DLGAP2: variants seen among roughly 807,000 people sequenced by gnomAD.
DLGAP2 encodes DLG associated protein 2, also known as disks large-associated protein 2.
DLGAP2 carries 26 observed loss-of-function variants against 100.3 expected under a neutral mutation model. The observed-to-expected ratio is 0.26, with a 90% CI of 0.19 to 0.36. The LOEUF (loss-of-function observed/expected upper bound fraction) is 0.36, where lower values mean the gene tolerates loss of function less well. DLGAP2 is among the 10% of genes least tolerant of loss of function. The pLI, the probability that DLGAP2 is intolerant of heterozygous loss-of-function variation, is 1.00. For synonymous variants in DLGAP2, 886 were observed against 630.1 expected, an observed-to-expected ratio of 1.41 and a Z score of -6.08; for missense variants, 1,858 against 1,453.2, an observed-to-expected ratio of 1.28 and a Z score of -4.53.
intron 4 of DLGAP2, among the ~76,000 whole-genome samples, chr8:1,507,568 T>C (rs11136403): frequency 0.77 from 116,878 of 152,074 alleles, 45,244 homozygotes; most frequent in Middle Eastern, 0.81. Context: ...CCCAGGGCAG[T>C]GGCTGGCTGA....
At chr8:1,048,275 C>T (rs566767583) in intron 2 of DLGAP2, among the ~76,000 whole-genome samples, 28 of 152,258 alleles carry the variant, frequency 1.8e-4, no homozygotes, top group Non-Finnish European at 7.4e-5. Context: ...CTGTCGTCTC[C>T]ATTTTACAAA....
intron 3 of DLGAP2, among the ~76,000 whole-genome samples, chr8:1,371,198 G>A (rs1043942649): frequency 2.6e-5 from 4 of 152,246 alleles, no homozygotes; most frequent in African/African-American, 9.6e-5. Flanking sequence ...TGCATTAACA[G>A]TCTCAGCACC....
intron 3 of DLGAP2, among the ~76,000 whole-genome samples, chr8:1,377,535 C>G (rs1013245881): frequency 6.6e-6 from 1 of 152,050 alleles, no homozygotes; most frequent in African/African-American, 2.4e-5. Context: ...TAGAGCGAGA[C>G]TCCGACTCAA....
chr8:1,063,492 T>C (rs1803150979), intron 2 of DLGAP2, among the ~76,000 whole-genome samples: 1 of 150,648 alleles, frequency 6.6e-6, no homozygotes, highest in Non-Finnish European at 1.5e-5. Flanking sequence ...AGGGTTTTTC[T>C]TTTCGTGCTT....
chr8:1,342,637 A>T (rs1427715629), intron 3 of DLGAP2, among the ~76,000 whole-genome samples: 2 of 152,242 alleles, frequency 1.3e-5, no homozygotes, highest in African/African-American at 4.8e-5. Flanking sequence ...CAAGTGCGTT[A>T]TCACATGCGA....
At chr8:942,999 G>A (rs924849527) in intron 2 of DLGAP2, among the ~76,000 whole-genome samples, 1 of 152,182 alleles carries the variant, frequency 6.6e-6, no homozygotes, top group Non-Finnish European at 1.5e-5. Flanking sequence ...CTGGGAGTTC[G>A]GGGTTGGATT....
chr8:816,104 T>C (rs1300498692), intron 1 of DLGAP2, among the ~76,000 whole-genome samples: 1 of 152,214 alleles, frequency 6.6e-6, no homozygotes, highest in African/African-American at 2.4e-5. Flanking sequence ...TGAGTCCTTA[T>C]ATGTTAGGTT....
intron 2 of DLGAP2, among the ~76,000 whole-genome samples, chr8:1,197,814 C>T (rs947011921): frequency 1.3e-5 from 2 of 152,240 alleles, no homozygotes; most frequent in South Asian, 4.1e-4. Context: ...ATCTCCTGGG[C>T]CTCCTGCAGC....
At chr8:1,070,377 A>G (rs554128388) in intron 2 of DLGAP2, among the ~76,000 whole-genome samples, 1 of 152,288 alleles carries the variant, frequency 6.6e-6, no homozygotes, top group South Asian at 2.1e-4. Context: ...GCCATGGCCC[A>G]ATAAATCTCG....
At chr8:1,314,863 A>G (rs951990583) in intron 3 of DLGAP2, among the ~76,000 whole-genome samples, 6 of 152,236 alleles carry the variant, frequency 3.9e-5, no homozygotes, top group Admixed American at 1.3e-4. Context: ...CTGAATTTCC[A>G]TGGGTAAATC....
intron 1 of DLGAP2, among the ~76,000 whole-genome samples, chr8:750,631 G>A (rs779664255): frequency 5.9e-5 from 9 of 152,104 alleles, no homozygotes; most frequent in Non-Finnish European, 8.8e-5. Flanking sequence ...GATAATTAAC[G>A]GCCGTACATT....
At chr8:1,038,046 G>T (rs768680154) in intron 2 of DLGAP2, among the ~76,000 whole-genome samples, 1 of 152,234 alleles carries the variant, frequency 6.6e-6, no homozygotes, top group Admixed American at 6.5e-5. Flanking sequence ...TGCGTGGGCA[G>T]TTGGACCCCT....
chr8:1,708,133 A>G lies in DLGAP2; in HGVS notation c.*6727A>G, dbSNP rs1439951833. The G allele has an allele frequency of 2.0e-5, 3 of 152,194 alleles. No homozygotes were observed. The highest frequency in any genetic ancestry group is 6.5e-5 in the Admixed American group (1 of 15,280). The allele number at this position is 152,194 out of a possible 1,614,324, so 9.4% of individuals were successfully genotyped here. ...TAAGAAACTGTGCACCGTTTCCGCC[A>G]TAACCGTCCTGTGACGATGCCTCCA... On this transcript the variant is annotated 3_prime_UTR_variant, in exon 15 of 15. Transcript: ENST00000637795.
rs538883627 is a variant in DLGAP2 at position 1,496,579 on chromosome 8, C to T, written c.107-4787C>T. ...TCATCACTGAGCAAAGGAAGGCAAA[C>T]GTGGCGCACCCAGCACAGTGATCAC... On this transcript the variant is annotated intron_variant, in intron 3 of 14. Transcript: ENST00000637795. Among the ~76,000 whole-genome samples the T allele has an allele frequency of 7.9e-5, 12 of 152,302 alleles. No homozygotes were observed. In the East Asian group the frequency reaches 1.5e-3, roughly 20 times the overall value.
intron 1 of DLGAP2, among the ~76,000 whole-genome samples, chr8:738,319 G>A (rs899663765): frequency 8.6e-5 from 13 of 151,824 alleles, no homozygotes; most frequent in African/African-American, 2.9e-4. Flanking sequence ...GTGCCGGGCT[G>A]GGCTGCGCGC....
chr8:1,287,636 G>GTT, intron 3 of DLGAP2, among the ~76,000 whole-genome samples: 1 of 33,806 alleles, frequency 3.0e-5, no homozygotes, highest in East Asian at 5.7e-4. Flanking sequence ...TCGGTTGAGT[G>GTT]TGTGTGTGTG....
At chr8:1,462,564 G>A (rs994664266) in intron 3 of DLGAP2, among the ~76,000 whole-genome samples, 4 of 152,002 alleles carry the variant, frequency 2.6e-5, no homozygotes, top group South Asian at 2.1e-4. Context: ...CGGTGTTCAG[G>A]TTGGGAGAAG....
chr8:841,363 G>T (rs1364338575), intron 1 of DLGAP2, among the ~76,000 whole-genome samples: 1 of 152,132 alleles, frequency 6.6e-6, no homozygotes. Flanking sequence ...TCTTCACTTG[G>T]CTCTGAGTCC....
chr8:960,237 C>CTCTTTTTTT (rs1799691981), intron 2 of DLGAP2, among the ~76,000 whole-genome samples: 1 of 44,640 alleles, frequency 2.2e-5, no homozygotes, highest in Admixed American at 3.1e-4. Context: ...TGAAGTATAT[C>CTCTTTTTTT]TTTTTTTTTT....
Sources: gnomAD v4.1 joint callset for allele counts (sites outside exome capture counted in the v4.1 genomes callset) on GRCh38, gnomAD v4.1.1 for gene constraint, MANE v1.5 for transcripts, NCBI Gene and HGNC (gene_info 2026-07-23, HGNC 2026-07-21) for gene names.